The following HERC3 variants were observed in gnomAD, a reference collection of about 807,000 sequenced individuals.
HERC3 encodes the protein probable E3 ubiquitin-protein ligase HERC3.
HERC3 carries 58 observed loss-of-function variants against 129.9 expected under a neutral mutation model. That is an observed-to-expected ratio of 0.45 (90% CI 0.36 to 0.56). The LOEUF (loss-of-function observed/expected upper bound fraction) is 0.56, where lower values mean the gene tolerates loss of function less well. Among genes scored for constraint, HERC3 ranks in the 20% least tolerant of loss-of-function variants. The pLI, the probability that HERC3 is intolerant of heterozygous loss-of-function variation, is 0.00. For missense variants in HERC3, 835 were observed against 1,244.2 expected (o/e 0.67, Z 4.95); for synonymous variants, 430 against 451.0 (o/e 0.95, Z 0.59).
Position 88,686,783 on chromosome 4 carries a change from C to A in HERC3, c.2555C>A (p.Thr852Asn). ...TACCCCGGGGAGGATGTGGAGGAGA[C>A]TTTCTGCCTCAACTTCACGGTAAGA... Reference protein sequence around the residue: ...LDYPGEDVEETFCLNFTICRE... With the variant: ...LDYPGEDVEENFCLNFTICRE... Residue 852 changes from threonine to asparagine, a missense_variant, in exon 22 of 26, where the codon ACT becomes AAT. By Grantham distance (65) the Thr-to-Asn change is moderately conservative. Transcript: ENST00000402738. 6.2e-7 allele frequency: 1 copy of A among 1,610,870 alleles called. No individual in the cohort carries two copies. Among genetic ancestry groups the A allele is most frequent in the Non-Finnish European group, 8.5e-7 (1 of 1,177,262 alleles).
chr4:88,604,944 A>AT (rs201522802), intron 2 of HERC3, among the ~76,000 whole-genome samples: 2,521 of 151,742 alleles, frequency 0.017, 63 homozygotes, highest in African/African-American at 0.057. Context: ...GAGAGATGAG[A>AT]TTTTTTTTTG....
In HERC3 at chr4:88,680,273, A is replaced by T. The variant is rs114104361; in HGVS notation, c.2340+37A>T. 649 of 1,514,022 alleles carry T rather than the reference A, an allele frequency of 4.3e-4. 4 individuals carry two copies. The African/African-American group carries it at 8.5e-3, about 20-fold the overall frequency. The allele number at this position is 1,514,022 out of a possible 1,614,324, so 93.8% of individuals were successfully genotyped here. A position where few individuals can be genotyped will look rare whatever the true frequency, so the allele number is the denominator to read the frequency against. On this transcript the variant is annotated intron_variant, in intron 20 of 25. Transcript: ENST00000402738. Reference sequence around the variant, plus strand: ...GTGTCACAATTAAACAGATGGATTAAATTAAACTTTCTTTTTGTTGTCAGA... The same window carrying T: ...GTGTCACAATTAAACAGATGGATTATATTAAACTTTCTTTTTGTTGTCAGA...
chr4:88,552,234 T>C, the HERC3 span, among the ~76,000 whole-genome samples: 4 of 151,662 alleles, frequency 2.6e-5, no homozygotes, highest in Non-Finnish European at 4.4e-5. Flanking sequence ...TGTATACATA[T>C]GTAACTAACC....
At chr4:88,606,433 T>C (rs1057052681) in intron 3 of HERC3, among the ~76,000 whole-genome samples, 1 of 152,080 alleles carries the variant, frequency 6.6e-6, no homozygotes, top group Non-Finnish European at 1.5e-5. Context: ...TTTATCTTCT[T>C]AGAGAACATA....
chr4:88,676,199 T>A lies in HERC3; in HGVS notation c.1912-19T>A, dbSNP rs746107703. 6.5e-6 allele frequency: 10 copies of A among 1,530,058 alleles called. No homozygotes were observed. The Admixed American group carries it at 1.8e-4, about 27-fold the overall frequency. 94.8% of individuals were successfully genotyped at this position (1,530,058 alleles called of 1,614,324 possible). A position where few individuals can be genotyped will look rare whatever the true frequency, so the allele number is the denominator to read the frequency against. The stretch of plus-strand genomic sequence containing the variant: ...GGTTTACAATTTAAGTAAGAGACTT[T>A]TTATTTTTCTTTACACAGAAGGCTA... On this transcript the variant is annotated intron_variant, in intron 16 of 25. Transcript: ENST00000402738.
chr4:88,608,167 G>A (rs1290486288), intron 3 of HERC3, among the ~76,000 whole-genome samples: 1 of 152,174 alleles, frequency 6.6e-6, no homozygotes, highest in Non-Finnish European at 1.5e-5. Flanking sequence ...CAAAATGTCA[G>A]TGTAAATTTA....
intron 21 of HERC3, among the ~76,000 whole-genome samples, chr4:88,684,274 G>A (rs1733145404): frequency 1.3e-5 from 2 of 152,102 alleles, no homozygotes; most frequent in Admixed American, 1.3e-4. Flanking sequence ...CAGATATATA[G>A]ACCAATAGAA....
At chr4:88,611,880 T>G (rs1724367919) in intron 3 of HERC3, among the ~76,000 whole-genome samples, 1 of 152,210 alleles carries the variant, frequency 6.6e-6, no homozygotes, top group African/African-American at 2.4e-5. Context: ...CCTTGAAACT[T>G]TGTTTCCTGT....
chr4:88,643,799 G>A (rs1728395582), intron 3 of HERC3, among the ~76,000 whole-genome samples: 1 of 152,128 alleles, frequency 6.6e-6, no homozygotes, highest in Non-Finnish European at 1.5e-5. Context: ...TCAGAAGAAA[G>A]CAGAGGAGAA....
intron 3 of HERC3, among the ~76,000 whole-genome samples, chr4:88,635,170 A>G (rs1030310925): frequency 2.0e-5 from 3 of 152,106 alleles, no homozygotes; most frequent in Non-Finnish European, 4.4e-5. Context: ...ATTGACAAAA[A>G]CAGGCTTCAG....
At chr4:88,605,275 A>AT (rs541147348) in intron 2 of HERC3, among the ~76,000 whole-genome samples, 172 of 150,364 alleles carry the variant, frequency 1.1e-3, no homozygotes, top group East Asian at 0.011. Flanking sequence ...AGAAGATAAC[A>AT]TTTTTTTTTT....
chr4:88,618,501 A>G (rs1725165999), intron 3 of HERC3, among the ~76,000 whole-genome samples: 1 of 152,242 alleles, frequency 6.6e-6, no homozygotes, highest in African/African-American at 2.4e-5. Flanking sequence ...CTACTCTTTC[A>G]TATAGAGTGG....
At chr4:88,658,541 C>G (rs760591487) in intron 10 of HERC3, 50 bp downstream of exon 10, 8 of 922,408 alleles carry the variant, frequency 8.7e-6, no homozygotes, top group Non-Finnish European at 1.4e-5. Flanking sequence ...AATAGTGAAC[C>G]AACATTTCTT....
chr4:88,691,775 C>G lies in HERC3; in HGVS notation c.2657+4476C>G, dbSNP rs1734100610. 2.0e-5 allele frequency among the ~76,000 whole-genome samples: 3 copies of G among 152,214 alleles called. No homozygotes were observed. In the South Asian group the frequency reaches 6.2e-4, roughly 32 times the overall value. On this transcript the variant is annotated intron_variant, in intron 23 of 25. Coordinates refer to ENST00000402738, the MANE Select transcript of HERC3 (RefSeq NM_014606.3). ...AGATTGATCATTATAGTCATTATTT[C>G]CTTGGCTATATGCCATAATGTAGTC...
chr4:88,665,248 G>T (rs1246220203), intron 12 of HERC3, among the ~76,000 whole-genome samples: 2 of 152,196 alleles, frequency 1.3e-5, no homozygotes, highest in East Asian at 3.9e-4. Context: ...CCTGCCATAG[G>T]CATCTGTAAT....
At chr4:88,654,387 T>TATACAC (rs1321614619) in intron 7 of HERC3, among the ~76,000 whole-genome samples, 12 of 94,312 alleles carry the variant, frequency 1.3e-4, no homozygotes, top group South Asian at 3.2e-4. Context: ...TATATATATA[T>TATACAC]ACACACACAC....
intron 23 of HERC3, chr4:88,690,131 A>G (rs1733922818): frequency 1.0e-6 from 1 of 985,306 alleles, no homozygotes; most frequent in African/African-American, 1.7e-5. Context: ...TCAAGTAAGA[A>G]TGTTGCAATC....
chr4:88,671,898 A>G (rs1270186324), intron 16 of HERC3, among the ~76,000 whole-genome samples: 2 of 152,236 alleles, frequency 1.3e-5, no homozygotes, highest in Non-Finnish European at 2.9e-5. Context: ...CATGGAGGCT[A>G]GTAATGAACT....
At chr4:88,690,048 C>A in intron 23 of HERC3, 1 of 985,268 alleles carries the variant, frequency 1.0e-6, no homozygotes, top group Non-Finnish European at 1.2e-6. Flanking sequence ...GCCACCCAGA[C>A]ACCCAACAAA....
Sources: allele counts gnomAD v4.1 joint callset (sites outside exome capture counted in the v4.1 genomes callset), GRCh38; gene constraint gnomAD v4.1.1; transcripts MANE v1.5; gene names NCBI Gene and HGNC (gene_info 2026-07-23, HGNC 2026-07-21).